SF3A1: variants seen among roughly 807,000 people sequenced by gnomAD.
SF3A1 encodes the protein SAP 114.
Under a neutral mutation model 89.9 loss-of-function variants are expected in SF3A1, and 13 were observed. The observed-to-expected ratio is 0.14, with a 90% CI of 0.09 to 0.23. SF3A1 has a LOEUF of 0.23. Among genes scored for constraint, SF3A1 ranks in the 10% least tolerant of loss-of-function variants. The pLI, the probability that SF3A1 is intolerant of heterozygous loss-of-function variation, is 1.00. For synonymous variants in SF3A1, 405 were observed against 374.4 expected, an observed-to-expected ratio of 1.08 and a Z score of -0.94; for missense variants, 604 against 1,022.1, an observed-to-expected ratio of 0.59 and a Z score of 5.58.
In SF3A1 at chr22:30,334,549, C is replaced by G. The variant is rs770076729; in HGVS notation, c.*45G>C. 1 of 1,311,776 alleles carries G rather than the reference C, an allele frequency of 7.6e-7. No homozygotes were observed. Among genetic ancestry groups the G allele is most frequent in the Admixed American group, 2.4e-5 (1 of 41,072 alleles). 81.3% of individuals were successfully genotyped at this position (1,311,776 alleles called of 1,614,324 possible). On this transcript the variant is annotated 3_prime_UTR_variant, in exon 16 of 16. Transcript: ENST00000215793. ...TGGGTCTGGGGCAGGGGGTGGGAGACAGGAGAGGCAAAATGGCAGGGACTT... is the reference window on the plus strand; with the variant it reads ...TGGGTCTGGGGCAGGGGGTGGGAGAGAGGAGAGGCAAAATGGCAGGGACTT...
Position 30,337,081 on chromosome 22 carries a change from T to G in SF3A1, c.2051A>C (p.Lys684Thr). 6.2e-7 allele frequency: 1 copy of G among 1,614,096 alleles called. No homozygotes were observed. The highest frequency in any genetic ancestry group is 8.5e-7 in the Non-Finnish European group (1 of 1,179,998). ...CATGAGGCTGTCCTCTGTCTTCAGT[T>G]TTTTGGAGGTGGGCTCATCTTCCAT... is the stretch of plus-strand genomic sequence containing the variant. ...PPMEDEPTSK[K>T]LKTEDSLMPE... Residue 684 changes from lysine to threonine, a missense_variant, in exon 13 of 16, where the codon AAA becomes ACA. By Grantham distance (78) the Lys-to-Thr change is moderately conservative. This residue lies in a region of SF3A1 where 74 missense variants were observed against 141.3 expected (regional missense o/e 0.52). Coordinates refer to ENST00000215793, the MANE Select transcript of SF3A1 (RefSeq NM_005877.6).
chr22:30,355,742 A>G (rs755055420), intron 1 of SF3A1, among the ~76,000 whole-genome samples: 2 of 151,096 alleles, frequency 1.3e-5, no homozygotes, highest in Non-Finnish European at 2.9e-5. Context: ...TTTTCCCCCA[A>G]TGCCTGGGAA....
intron 4 of SF3A1, 76 bp downstream of exon 4, chr22:30,344,857 G>A (rs1931371021): frequency 2.0e-6 from 3 of 1,529,790 alleles, no homozygotes; most frequent in Non-Finnish European, 2.7e-6. Context: ...TAGACAGTGA[G>A]TGGACACAGT....
At chr22:30,340,446 A>G (rs1488443534) in intron 8 of SF3A1, 65 bp from the exon 9 acceptor site, 2 of 1,483,088 alleles carry the variant, frequency 1.3e-6, no homozygotes, top group Non-Finnish European at 1.9e-6. Flanking sequence ...AGAGGGTGGT[A>G]TTTCATGCGT....
Position 30,346,482 on chromosome 22 carries a change from C to T in SF3A1, c.223G>A (p.Glu75Lys), listed in dbSNP as rs1931424651. ...AAGTTGAACTTGGGGTTGTTGATCT[C>T]GTTCTGTCGGATCCTAGCTTCAAAT... ...PEFEARIRQN[E>K]INNPKFNFLN... The change falls in exon 3 of 16, where the codon GAG (glutamate) becomes AAG (lysine). Residue 75 changes from glutamate (E) to lysine (K), a missense_variant. Glu to Lys is a moderately conservative substitution (Grantham distance 56). Coordinates refer to ENST00000215793, the MANE Select transcript of SF3A1 (RefSeq NM_005877.6). The T allele has an allele frequency of 6.2e-7, 1 of 1,614,030 alleles. No homozygotes were observed. Among genetic ancestry groups the T allele is most frequent in the Non-Finnish European group, 8.5e-7 (1 of 1,180,002 alleles).
rs1354181361 is a variant in SF3A1 at position 30,333,687 on chromosome 22, TTAAAATGGA to T, written c.*898_*906del. ...AATACTCACATGAGGATTACATGAG[TTAAAATGGA>T]TAAAATGGATAAAAGTAGAGAGTAA... is the stretch of plus-strand genomic sequence containing the variant. On this transcript the variant is annotated 3_prime_UTR_variant, in exon 16 of 16. Transcript: ENST00000215793. The T allele has an allele frequency of 2.0e-5, 3 of 152,328 alleles. No individual in the cohort carries two copies. Among genetic ancestry groups the T allele is most frequent in the South Asian group, 2.1e-4 (1 of 4,828 alleles). The allele number at this position is 152,328 out of a possible 1,614,324, so 9.4% of individuals were successfully genotyped here.
intron 11 of SF3A1, among the ~76,000 whole-genome samples, 193 bp from the exon 12 acceptor site, chr22:30,338,090 C>T (rs1322261550): frequency 6.6e-6 from 1 of 152,178 alleles, no homozygotes; most frequent in Admixed American, 6.5e-5. Context: ...CCGAGGATGA[C>T]ACTCTCTCTA....
rs1478006852 is a variant in SF3A1 at position 30,332,276 on chromosome 22, G to A, written c.*2318C>T. 6.6e-6 allele frequency: 1 copy of A among 152,172 alleles called. No individual in the cohort carries two copies. The highest frequency in any genetic ancestry group is 1.5e-5 in the Non-Finnish European group (1 of 68,040). 9.4% of individuals were successfully genotyped at this position (152,172 alleles called of 1,614,324 possible). A position where few individuals can be genotyped will look rare whatever the true frequency, so the allele number is the denominator to read the frequency against. Reference sequence around the variant, plus strand: ...AGTACATGACAAGTACTTAAGTAGTGGGTAGAACTGAAAGTGAAATTCCTT... The same window carrying A: ...AGTACATGACAAGTACTTAAGTAGTAGGTAGAACTGAAAGTGAAATTCCTT... On this transcript the variant is annotated 3_prime_UTR_variant, in exon 16 of 16. Transcript: ENST00000215793.
Position 30,332,030 on chromosome 22 carries a change from C to A in SF3A1, c.*2564G>T, listed in dbSNP as rs1340696938. ...GCTTTTATTTTTAAAAAGTAAACTT[C>A]TAAAAATCTTATACACTGGTATGTG... On this transcript the variant is annotated 3_prime_UTR_variant, in exon 16 of 16. Coordinates refer to ENST00000215793, the MANE Select transcript of SF3A1 (RefSeq NM_005877.6). 2 of 152,146 alleles carry A rather than the reference C, an allele frequency of 1.3e-5. No homozygotes were observed. The highest frequency in any genetic ancestry group is 1.3e-4 in the Admixed American group (2 of 15,278). 9.4% of individuals were successfully genotyped at this position (152,146 alleles called of 1,614,324 possible).
At position 30,356,779 on chromosome 22, in the gene SF3A1, G is replaced by C; in HGVS notation, c.14C>G (p.Pro5Arg). 1 of 1,435,642 alleles carries C rather than the reference G, an allele frequency of 7.0e-7. No individual in the cohort carries two copies. The allele number at this position is 1,435,642 out of a possible 1,614,324, so 88.9% of individuals were successfully genotyped here. ...CGGCGGCGGGGGCACCGCCTGCACG[G>C]GTCCGGCCGGCATGACTGCGACGCT... The part of the protein sequence containing the change: MPAG[P>R]VQAVPPPPPV... The change falls in exon 1 of 16, where the codon CCC (proline) becomes CGC (arginine). Residue 5 changes from proline to arginine, a missense_variant. Around this residue, in one of 9 missense-constraint regions of SF3A1, gnomAD observed 55 missense variants for 43.8 expected, o/e 1.25. Coordinates refer to ENST00000215793, the MANE Select transcript of SF3A1 (RefSeq NM_005877.6).
chr22:30,356,555 G>A (rs1007289605), intron 1 of SF3A1, 175 bp downstream of exon 1: 2 of 464,454 alleles, frequency 4.3e-6, no homozygotes, highest in East Asian at 7.1e-5. Flanking sequence ...AGAGAATCCC[G>A]TTCAGGGTGG....
At chr22:30,335,808 T>G in intron 13 of SF3A1, 55 bp from the exon 14 acceptor site, 2 of 1,377,534 alleles carry the variant, frequency 1.5e-6, no homozygotes, top group Non-Finnish European at 2.1e-6. Context: ...AATCAAGAAC[T>G]ATGCTCTGCT....
chr22:30,343,243 C>G (rs1296192803), intron 4 of SF3A1, among the ~76,000 whole-genome samples: 3 of 152,174 alleles, frequency 2.0e-5, no homozygotes, highest in East Asian at 3.8e-4. Flanking sequence ...GCAGGTCCCC[C>G]CTGACTATCC....
chr22:30,344,622 G>C (rs985971800), intron 4 of SF3A1, among the ~76,000 whole-genome samples: 8 of 152,222 alleles, frequency 5.3e-5, no homozygotes, highest in Non-Finnish European at 8.8e-5. Context: ...GGCCTTACTA[G>C]GCAACTGAAA....
At chr22:30,344,806 A>G (rs997607509) in intron 4 of SF3A1, 127 bp downstream of exon 4, 4 of 1,107,338 alleles carry the variant, frequency 3.6e-6, no homozygotes, top group Non-Finnish European at 3.9e-6. Flanking sequence ...CTGGGATTCA[A>G]AACATTTGCT....
chr22:30,341,585 C>A, intron 7 of SF3A1, 107 bp downstream of exon 7: 1 of 624,152 alleles, frequency 1.6e-6, no homozygotes, highest in East Asian at 3.0e-5. Flanking sequence ...GGACCCACGC[C>A]TCCTTTCAAG....
At chr22:30,335,364 A>G in intron 15 of SF3A1, 103 bp downstream of exon 15, 1 of 989,034 alleles carries the variant, frequency 1.0e-6, no homozygotes, top group Non-Finnish European at 1.6e-6. Context: ...GGCCACACCC[A>G]GATATCACTC....
rs1330842044 is a variant in SF3A1, at chr22:30,356,778, G to C, written c.15C>G (p.Pro5=). MPAG[P]VQAVPPPPPV... is the part of the protein sequence containing the mutation. ...GCGGCGGCGGGGGCACCGCCTGCAC[G>C]GGTCCGGCCGGCATGACTGCGACGC... Residue 5 remains proline (P), a synonymous_variant, in exon 1 of 16, where the codon CCC becomes CCG. Coordinates refer to ENST00000215793, the MANE Select transcript of SF3A1 (RefSeq NM_005877.6). 1 of 1,435,284 alleles carries C rather than the reference G, an allele frequency of 7.0e-7. No homozygotes were observed. Among genetic ancestry groups the C allele is most frequent in the Non-Finnish European group, 9.2e-7 (1 of 1,085,690 alleles). 88.9% of individuals were successfully genotyped at this position (1,435,284 alleles called of 1,614,324 possible).
At chr22:30,355,408 G>A (rs946527089) in intron 1 of SF3A1, among the ~76,000 whole-genome samples, 23 of 152,186 alleles carry the variant, frequency 1.5e-4, no homozygotes, top group African/African-American at 5.6e-4. Context: ...CACCACTCTG[G>A]CTGAAGAGCC....
Sources: allele counts gnomAD v4.1 joint callset (sites outside exome capture counted in the v4.1 genomes callset), GRCh38; gene constraint gnomAD v4.1.1; regional missense constraint gnomAD v4.1.1; transcripts MANE v1.5; gene names NCBI Gene and HGNC (gene_info 2026-07-23, HGNC 2026-07-21).